The following MROH2B variants were observed in gnomAD, a reference collection of about 807,000 sequenced individuals.
MROH2B encodes maestro heat like repeat family member 2B, also known as maestro heat-like repeat-containing protein family member 2B.
MROH2B carries 177 observed loss-of-function variants against 208.6 expected under a neutral mutation model. That is an observed-to-expected ratio of 0.85 (90% CI 0.75 to 0.96). MROH2B has a LOEUF of 0.96. MROH2B is among the 40% of genes least tolerant of loss of function. MROH2B has a pLI of 0.00. For missense variants in MROH2B, 2,002 were observed against 1,878.7 expected (o/e 1.07, Z -1.21); for synonymous variants, 728 against 659.0 (o/e 1.10, Z -1.60).
At chr5:41,009,145 A>C in intron 32 of MROH2B, 135 bp downstream of exon 32, 1 of 1,261,934 alleles carries the variant, frequency 7.9e-7, no homozygotes, top group Non-Finnish European at 1.1e-6. Context: ...AGCCACAACT[A>C]TAAACTGGAG....
chr5:41,054,019 G>T (rs1743367727), intron 11 of MROH2B, among the ~76,000 whole-genome samples: 1 of 151,188 alleles, frequency 6.6e-6, no homozygotes. Flanking sequence ...TTACTCTGTT[G>T]CCCAGGCTGG....
intron 30 of MROH2B, among the ~76,000 whole-genome samples, chr5:41,010,744 T>C (rs1160439470): frequency 6.6e-6 from 1 of 152,020 alleles, no homozygotes; most frequent in Non-Finnish European, 1.5e-5. Context: ...ACACCAGGAG[T>C]GAACCCTGGA....
At chr5:41,010,357 AC>A (rs1741736358) in intron 30 of MROH2B, among the ~76,000 whole-genome samples, 2 of 152,190 alleles carry the variant, frequency 1.3e-5, no homozygotes, top group Non-Finnish European at 2.9e-5. Flanking sequence ...AAAAAGATGT[AC>A]CCTTTTTGCA....
In MROH2B at chr5:41,055,731, C is replaced by T; in HGVS notation, c.1033+11G>A. 4 of 1,605,926 alleles carry T rather than the reference C, an allele frequency of 2.5e-6. No individual in the cohort carries two copies. The highest frequency in any genetic ancestry group is 1.7e-4 in the Middle Eastern group (1 of 6,048). On this transcript the variant is annotated intron_variant, in intron 10 of 41. Transcript: ENST00000399564. Reference sequence around the variant, plus strand: ...GAAATAAACCATGTTGGCTTCAACCCTCTTGCTTACCATCAGCATTGACAG... The same window carrying T: ...GAAATAAACCATGTTGGCTTCAACCTTCTTGCTTACCATCAGCATTGACAG...
In MROH2B at chr5:41,005,768, T is replaced by C. The variant is rs1438202528; in HGVS notation, c.3750-123A>G. Reference sequence around the variant, plus strand: ...ATGCTTGGCTGGGGGTGGTGGCTCATGCCTGTAATCCTAGAACTTTGGGAG... The same window carrying C: ...ATGCTTGGCTGGGGGTGGTGGCTCACGCCTGTAATCCTAGAACTTTGGGAG... On this transcript the variant is annotated intron_variant, in intron 34 of 41. Transcript: ENST00000399564. 8 of 807,134 alleles carry C rather than the reference T, an allele frequency of 9.9e-6. No homozygotes were observed. The East Asian group carries it at 2.2e-4, about 22-fold the overall frequency. 50.0% of individuals were successfully genotyped at this position (807,134 alleles called of 1,614,324 possible). A position where few individuals can be genotyped will look rare whatever the true frequency, so the allele number is the denominator to read the frequency against.
At position 41,004,364 on chromosome 5, in the gene MROH2B, T is replaced by C; in HGVS notation, c.4176A>G (p.Thr1392=). The C allele has an allele frequency of 6.2e-7, 1 of 1,613,266 alleles. No homozygotes were observed. The highest frequency in any genetic ancestry group is 8.5e-7 in the Non-Finnish European group (1 of 1,179,698). The part of the protein sequence containing the change: ...SFYFKEIVLQ[T]RTFFEDEQDD... ...CACTTACATCTTCAAAGAAGGTCCT[T>C]GTTTGCAGCACTATTTCCTTGAAGT... is the stretch of plus-strand genomic sequence containing the variant. The change falls in exon 37 of 42, where the codon ACA becomes ACG. Residue 1392 remains threonine (T), a synonymous_variant. Transcript: ENST00000399564.
In MROH2B at chr5:41,058,210, A is replaced by G; in HGVS notation, c.616-7T>C. On this transcript the variant is annotated splice_polypyrimidine_tract_variant and splice_region_variant and intron_variant, in intron 6 of 41. Transcript: ENST00000399564. ...CCTTAACGATGCTCAAAGTCTGTAC[A>G]GGCAGCAAACAAATACCGTTTCTGA... The G allele has an allele frequency of 6.6e-7, 1 of 1,522,292 alleles. No individual in the cohort carries two copies. The highest frequency in any genetic ancestry group is 8.8e-7 in the Non-Finnish European group (1 of 1,132,148). 94.3% of individuals were successfully genotyped at this position (1,522,292 alleles called of 1,614,324 possible). A position where few individuals can be genotyped will look rare whatever the true frequency, so the allele number is the denominator to read the frequency against.
At chr5:41,052,443 C>G in intron 12 of MROH2B, 22 bp downstream of exon 12, 1 of 1,596,572 alleles carries the variant, frequency 6.3e-7, no homozygotes, top group Non-Finnish European at 8.5e-7. Flanking sequence ...GTGCATCACT[C>G]AAAACTGTAG....
At chr5:41,018,481 T>C in intron 26 of MROH2B, 51 bp from the exon 27 acceptor site, 3 of 1,562,170 alleles carry the variant, frequency 1.9e-6, no homozygotes, top group Non-Finnish European at 2.6e-6. Context: ...CATATTCATC[T>C]AGTTTCATAT....
chr5:41,013,066 T>C (rs1251212108), intron 29 of MROH2B, among the ~76,000 whole-genome samples: 1 of 152,232 alleles, frequency 6.6e-6, no homozygotes, highest in Non-Finnish European at 1.5e-5. Context: ...AATATGTACA[T>C]TATAAAGTCC....
chr5:41,024,215 C>G (rs1742264536), intron 24 of MROH2B, among the ~76,000 whole-genome samples: 1 of 152,122 alleles, frequency 6.6e-6, no homozygotes, highest in South Asian at 2.1e-4. Flanking sequence ...GGGATAAATA[C>G]TCCAATTAAA....
chr5:41,068,669 C>G (rs947221480), intron 2 of MROH2B, among the ~76,000 whole-genome samples: 2 of 152,098 alleles, frequency 1.3e-5, no homozygotes, highest in Non-Finnish European at 2.9e-5. Context: ...ATTCTCTGAT[C>G]CCTTTACTGG....
At chr5:41,055,658 A>C in intron 10 of MROH2B, 84 bp downstream of exon 10, 1 of 948,938 alleles carries the variant, frequency 1.1e-6, no homozygotes, top group Non-Finnish European at 1.7e-6. Context: ...TCCAAAAGAC[A>C]TAGGATAGGA....
At chr5:41,043,551 T>C (rs1389858185) in intron 18 of MROH2B, among the ~76,000 whole-genome samples, 1 of 152,216 alleles carries the variant, frequency 6.6e-6, no homozygotes, top group Non-Finnish European at 1.5e-5. Context: ...TGCTGACCTG[T>C]TGCTTCTCTG....
intron 19 of MROH2B, 21 bp from the exon 20 acceptor site, chr5:41,039,576 A>G: frequency 6.7e-7 from 1 of 1,493,644 alleles, no homozygotes; most frequent in Non-Finnish European, 9.2e-7. Flanking sequence ...AAAAGGTATG[A>G]CATTTTGAGT....
At chr5:41,012,462 T>G (rs1741803498) in intron 30 of MROH2B, 121 bp downstream of exon 30, 2 of 1,056,910 alleles carry the variant, frequency 1.9e-6, no homozygotes, top group South Asian at 1.7e-5. Context: ...TAATGAGGCC[T>G]CTTGAGGTTG....
chr5:41,062,815 A>G (rs1465162595), intron 5 of MROH2B, among the ~76,000 whole-genome samples: 1 of 151,874 alleles, frequency 6.6e-6, no homozygotes, highest in Admixed American at 6.6e-5. Flanking sequence ...ACTTTATAAT[A>G]GTTTATTTCT....
intron 33 of MROH2B, 100 bp downstream of exon 33, chr5:41,008,506 G>A: frequency 7.5e-7 from 1 of 1,339,412 alleles, no homozygotes; most frequent in Non-Finnish European, 1.0e-6. Context: ...ATGGACAATG[G>A]ATGCTATGAC....
At chr5:41,036,184 G>A (rs1192075580) in intron 21 of MROH2B, among the ~76,000 whole-genome samples, 1 of 151,944 alleles carries the variant, frequency 6.6e-6, no homozygotes, top group African/African-American at 2.4e-5. Context: ...TGGTTTGGCT[G>A]TGTCCCACCC....
Sources: gnomAD v4.1 joint callset for allele counts (sites outside exome capture counted in the v4.1 genomes callset) on GRCh38, gnomAD v4.1.1 for gene constraint, MANE v1.5 for transcripts, NCBI Gene and HGNC (gene_info 2026-07-23, HGNC 2026-07-21) for gene names.